CAMKMT: variants seen among roughly 807,000 people sequenced by gnomAD.
CAMKMT encodes CaM KMT.
CAMKMT carries 53 observed loss-of-function variants against 48.0 expected under a neutral mutation model. That is an observed-to-expected ratio of 1.10 (90% confidence interval 0.89 to 1.39). The LOEUF (loss-of-function observed/expected upper bound fraction) is 1.39. Among genes scored for constraint, CAMKMT ranks in the 40% most tolerant of loss-of-function variants. The probability of loss-of-function intolerance (pLI) is 0.00; values close to 1 mark genes in which losing one functional copy is unlikely to be tolerated. For missense variants in CAMKMT, 428 were observed against 402.7 expected, an observed-to-expected ratio of 1.06 and a Z score of -0.54; for synonymous variants, 165 against 152.3, an observed-to-expected ratio of 1.08 and a Z score of -0.61.
chr2:44,487,509 T>A (rs941513392), intron 3 of CAMKMT, among the ~76,000 whole-genome samples: 45 of 152,362 alleles, frequency 3.0e-4, no homozygotes, highest in African/African-American at 1.0e-3. Flanking sequence ...AGGTTTTTTT[T>A]AAATAAAGTT....
intron 2 of CAMKMT, among the ~76,000 whole-genome samples, chr2:44,384,500 C>CTTT (rs141017634): frequency 5.8e-4 from 56 of 95,860 alleles, no homozygotes; most frequent in African/African-American, 1.8e-3. Context: ...AGCTATTTAT[C>CTTT]TTTTTTTTTT....
chr2:44,465,278 C>G (rs1190078944), intron 3 of CAMKMT, among the ~76,000 whole-genome samples: 1 of 151,776 alleles, frequency 6.6e-6, no homozygotes, highest in Non-Finnish European at 1.5e-5. Flanking sequence ...AAAATGAGAA[C>G]AGAATAAAAA....
chr2:44,705,277 C>A, intron 4 of CAMKMT: 1 of 819,488 alleles, frequency 1.2e-6, no homozygotes, highest in Non-Finnish European at 1.5e-6. Context: ...CTCTTCCCAC[C>A]TCTCCCTCTC....
chr2:44,529,103 G>T (rs1288411986), intron 3 of CAMKMT, among the ~76,000 whole-genome samples: 3 of 152,120 alleles, frequency 2.0e-5, no homozygotes, highest in Admixed American at 1.3e-4. Flanking sequence ...CAGATTAAAT[G>T]CTTGATTTCT....
chr2:44,470,754 G>T lies in CAMKMT; in HGVS notation c.376+80449G>T, dbSNP rs191566548. Among the ~76,000 whole-genome samples the T allele has an allele frequency of 1.5e-3, 229 of 152,148 alleles. 1 individual carries two copies. The highest frequency in any genetic ancestry group is 5.3e-3 in the African/African-American group (220 of 41,526). On this transcript the variant is annotated intron_variant, in intron 3 of 10. Transcript: ENST00000378494. ...TATTATCTGTCTTTTGAAATTGTCA[G>T]TTGGCAAAAAGTAATACCTTATTGA...
intron 3 of CAMKMT, among the ~76,000 whole-genome samples, chr2:44,478,180 T>C (rs1467387593): frequency 1.3e-5 from 2 of 152,218 alleles, no homozygotes; most frequent in African/African-American, 4.8e-5. Context: ...GCTGGCTACA[T>C]TTTGAAATAT....
intron 3 of CAMKMT, among the ~76,000 whole-genome samples, chr2:44,495,903 G>C (rs942178487): frequency 3.3e-5 from 5 of 152,114 alleles, no homozygotes; most frequent in Admixed American, 1.3e-4. Flanking sequence ...TAGTGATTCA[G>C]TTTCTTCCAC....
chr2:44,710,995 T>C (rs1330859442), intron 6 of CAMKMT, among the ~76,000 whole-genome samples: 1 of 152,208 alleles, frequency 6.6e-6, no homozygotes, highest in African/African-American at 2.4e-5. Context: ...CAAAAATGGG[T>C]AAATCCCCTG....
intron 3 of CAMKMT, among the ~76,000 whole-genome samples, chr2:44,617,303 T>G (rs1180228049): frequency 2.6e-5 from 4 of 152,210 alleles, no homozygotes; most frequent in Admixed American, 6.5e-5. Flanking sequence ...ATTGTATTTA[T>G]GTAGTGTCTT....
chr2:44,413,093 A>T (rs1407244939), intron 3 of CAMKMT, among the ~76,000 whole-genome samples: 2 of 151,576 alleles, frequency 1.3e-5, no homozygotes, highest in African/African-American at 2.4e-5. Flanking sequence ...ATAAAATAAA[A>T]TAAATTAAAT....
chr2:44,429,406 A>C (rs1684499498), intron 3 of CAMKMT, among the ~76,000 whole-genome samples: 1 of 152,024 alleles, frequency 6.6e-6, no homozygotes, highest in Admixed American at 6.6e-5. Flanking sequence ...TTCAATCTGA[A>C]ATAGCCCTAG....
intron 3 of CAMKMT, among the ~76,000 whole-genome samples, chr2:44,666,061 A>G (rs1471605869): frequency 6.6e-6 from 1 of 152,252 alleles, no homozygotes; most frequent in Admixed American, 6.5e-5. Flanking sequence ...AATCGTTTGC[A>G]TTGAAACTTC....
In CAMKMT at chr2:44,706,311, G is replaced by A. The variant is rs1453925783; in HGVS notation, c.462G>A (p.Gly154=). 1.6e-5 allele frequency: 26 copies of A among 1,613,256 alleles called. No individual in the cohort carries two copies. Among genetic ancestry groups the A allele is most frequent in the Non-Finnish European group, 2.1e-5 (25 of 1,179,536 alleles). The change falls in exon 5 of 11, where the codon GGG becomes GGA. Residue 154 remains glycine, a synonymous_variant. Transcript: ENST00000378494. ...GGGCCCTTGCTGTGTGTGAGCTAGGGGGTGGCATGACATGCTTGGCTGGGC... is the reference window on the plus strand; with the variant it reads ...GGGCCCTTGCTGTGTGTGAGCTAGGAGGTGGCATGACATGCTTGGCTGGGC... ...IFRALAVCEL[G]GGMTCLAGLM...
At chr2:44,567,981 G>A (rs1407743453) in intron 3 of CAMKMT, among the ~76,000 whole-genome samples, 1 of 141,430 alleles carries the variant, frequency 7.1e-6, no homozygotes. Flanking sequence ...GGGGACCAAG[G>A]TTAATTGTTT....
chr2:44,504,905 A>G (rs989346167), intron 3 of CAMKMT, among the ~76,000 whole-genome samples: 9 of 152,156 alleles, frequency 5.9e-5, no homozygotes, highest in African/African-American at 2.2e-4. Flanking sequence ...TACAAGAAGC[A>G]TGGCACCAGC....
chr2:44,626,574 T>G (rs1672494229), intron 3 of CAMKMT, among the ~76,000 whole-genome samples: 1 of 152,126 alleles, frequency 6.6e-6, no homozygotes, highest in African/African-American at 2.4e-5. Context: ...ACCAGCAGAT[T>G]AGGTGTCTGA....
intron 3 of CAMKMT, among the ~76,000 whole-genome samples, chr2:44,495,557 A>G (rs1669714309): frequency 6.6e-6 from 1 of 152,254 alleles, no homozygotes; most frequent in Admixed American, 6.5e-5. Flanking sequence ...TAAAAATGTC[A>G]TCACAATTCT....
intron 10 of CAMKMT, among the ~76,000 whole-genome samples, chr2:44,771,289 TATTA>T (rs997166981): frequency 1.3e-5 from 2 of 152,214 alleles, no homozygotes; most frequent in African/African-American, 2.4e-5. Context: ...ACTTCAAAAA[TATTA>T]ATTTTGTCTT....
At chr2:44,497,639 C>A (rs767873830) in intron 3 of CAMKMT, among the ~76,000 whole-genome samples, 1 of 150,232 alleles carries the variant, frequency 6.7e-6, no homozygotes, top group Non-Finnish European at 1.5e-5. Context: ...AATTTTTATA[C>A]CTCCATATTA....
Sources: allele counts gnomAD v4.1 joint callset (sites outside exome capture counted in the v4.1 genomes callset), GRCh38; gene constraint gnomAD v4.1.1; transcripts MANE v1.5; gene names NCBI Gene and HGNC (gene_info 2026-07-23, HGNC 2026-07-21).